The following CTNNA3 variants were observed in gnomAD, a reference collection of about 807,000 sequenced individuals.
CTNNA3 encodes catenin alpha-3.
In CTNNA3, 76 loss-of-function variants were observed where a neutral mutation model predicts 95.7. The observed-to-expected ratio is 0.79, with a 90% CI of 0.66 to 0.96. The LOEUF (loss-of-function observed/expected upper bound fraction) is 0.96, where lower values mean the gene tolerates loss of function less well. Among genes scored for constraint, CTNNA3 ranks in the 40% least tolerant of loss-of-function variants. The probability of loss-of-function intolerance (pLI) is 0.00; values close to 1 mark genes in which losing one functional copy is unlikely to be tolerated. For missense variants in CTNNA3, 1,191 were observed against 1,089.8 expected (o/e 1.09, Z -1.31); for synonymous variants, 431 against 374.4 (o/e 1.15, Z -1.74).
chr10:66,559,901 G>T (rs1238614682), intron 10 of CTNNA3, among the ~76,000 whole-genome samples: 2 of 151,938 alleles, frequency 1.3e-5, no homozygotes, highest in African/African-American at 4.8e-5. Context: ...AATAATATTT[G>T]GGAAGTGTCT....
chr10:66,934,187 AAGAAAAAC>A (rs1847564614), intron 7 of CTNNA3, among the ~76,000 whole-genome samples: 1 of 152,154 alleles, frequency 6.6e-6, no homozygotes, highest in South Asian at 2.1e-4. Context: ...ATTGAAAAAA[AAGAAAAAC>A]AGCTTCTATC....
chr10:66,016,133 G>A (rs79117470), intron 15 of CTNNA3, among the ~76,000 whole-genome samples: 1,908 of 152,250 alleles, frequency 0.013, 30 homozygotes, highest in African/African-American at 0.044. Flanking sequence ...ACTCATTTTA[G>A]AGACAATAGT....
intron 7 of CTNNA3, among the ~76,000 whole-genome samples, chr10:66,882,462 C>T (rs144347147): frequency 6.6e-6 from 1 of 152,106 alleles, no homozygotes; most frequent in Non-Finnish European, 1.5e-5. Context: ...CACTCAACCC[C>T]ATCTGCTATG....
At chr10:66,000,114 G>C (rs183902383) in intron 15 of CTNNA3, among the ~76,000 whole-genome samples, 1 of 152,060 alleles carries the variant, frequency 6.6e-6, no homozygotes, top group Non-Finnish European at 1.5e-5. Flanking sequence ...AACATTATGG[G>C]TTAGAAAGTA....
chr10:67,232,768 C>G (rs1012187687), intron 5 of CTNNA3, among the ~76,000 whole-genome samples: 18 of 151,758 alleles, frequency 1.2e-4, no homozygotes, highest in African/African-American at 4.4e-4. Flanking sequence ...GGAAACCCAT[C>G]TCACGTGCAG....
chr10:66,936,657 C>G (rs951506267), intron 7 of CTNNA3, among the ~76,000 whole-genome samples: 16 of 152,098 alleles, frequency 1.1e-4, no homozygotes, highest in Admixed American at 1.0e-3. Context: ...AACTCTACAG[C>G]GCAATCTAGT....
At chr10:66,896,828 A>G (rs962774243) in intron 7 of CTNNA3, among the ~76,000 whole-genome samples, 5 of 152,060 alleles carry the variant, frequency 3.3e-5, no homozygotes, top group Non-Finnish European at 5.9e-5. Flanking sequence ...TTAACTTCTG[A>G]CCATTCTGTA....
At chr10:67,363,584 G>A (rs1843083415) in intron 5 of CTNNA3, among the ~76,000 whole-genome samples, 1 of 151,424 alleles carries the variant, frequency 6.6e-6, no homozygotes, top group Non-Finnish European at 1.5e-5. Flanking sequence ...GACTAATAAA[G>A]AAGAAAAGAG....
chr10:66,530,228 C>T (rs539975217), intron 10 of CTNNA3, among the ~76,000 whole-genome samples: 8 of 152,140 alleles, frequency 5.3e-5, no homozygotes, highest in South Asian at 4.2e-4. Flanking sequence ...CTCAGTGGCA[C>T]GGCAAGTAGA....
At chr10:67,130,614 T>C (rs1859949441) in intron 7 of CTNNA3, among the ~76,000 whole-genome samples, 1 of 152,140 alleles carries the variant, frequency 6.6e-6, no homozygotes, top group Non-Finnish European at 1.5e-5. Context: ...TAACGATTTG[T>C]TGAAGAGATC....
chr10:66,843,785 C>T (rs1018368531), intron 7 of CTNNA3, among the ~76,000 whole-genome samples: 3 of 152,148 alleles, frequency 2.0e-5, no homozygotes, highest in Non-Finnish European at 4.4e-5. Flanking sequence ...CAATTTTTTT[C>T]ATTCCTTTCT....
chr10:66,327,503 A>T (rs2132306769), intron 12 of CTNNA3, among the ~76,000 whole-genome samples: 1 of 152,212 alleles, frequency 6.6e-6, no homozygotes, highest in African/African-American at 2.4e-5. Flanking sequence ...AGAATTTAGA[A>T]ATGTCCTTCA....
intron 15 of CTNNA3, among the ~76,000 whole-genome samples, chr10:65,996,273 T>C (rs2078656907): frequency 6.6e-6 from 1 of 152,056 alleles, no homozygotes; most frequent in South Asian, 2.1e-4. Flanking sequence ...GGCAGGCAAG[T>C]TTCAAGTTCT....
chr10:67,702,217 C>G (rs1400428176), intron 1 of CTNNA3, among the ~76,000 whole-genome samples: 1 of 151,882 alleles, frequency 6.6e-6, no homozygotes, highest in Non-Finnish European at 1.5e-5. Flanking sequence ...GACAGATCAA[C>G]GAGACAGAAA....
rs1843686785 is a variant in CTNNA3, at chr10:67,376,294, G to T, written c.579+145548C>A. Among the ~76,000 whole-genome samples, 5 of 152,168 alleles carry T rather than the reference G, an allele frequency of 3.3e-5. No homozygotes were observed. The South Asian group carries it at 1.0e-3, about 31-fold the overall frequency. On this transcript the variant is annotated intron_variant, in intron 5 of 17. Transcript: ENST00000433211. ...TCAGGAAAGTCACTTAACCCTCACTGCCTGCAAGGGAGGCTGGACTAGTAA... is the reference window on the plus strand; with the variant it reads ...TCAGGAAAGTCACTTAACCCTCACTTCCTGCAAGGGAGGCTGGACTAGTAA...
At chr10:66,832,372 A>G (rs1240113059) in intron 7 of CTNNA3, among the ~76,000 whole-genome samples, 2 of 152,230 alleles carry the variant, frequency 1.3e-5, no homozygotes, top group Non-Finnish European at 2.9e-5. Context: ...AAAGTGAGCC[A>G]GATGGACCCT....
At position 65,914,273 on chromosome 10, in the gene CTNNA3, T is replaced by C. The variant is rs1265210892; in HGVS notation, c.*6057A>G. On this transcript the variant is annotated 3_prime_UTR_variant, in exon 18 of 18. Transcript: ENST00000433211. The stretch of plus-strand genomic sequence containing the variant: ...AATAGGCACCATCATGACTACCAGA[T>C]ACATAAAAGTGAAGATCCCCAATAT... The C allele has an allele frequency of 1.3e-5, 2 of 152,130 alleles. No individual in the cohort carries two copies. Among genetic ancestry groups the C allele is most frequent in the Non-Finnish European group, 2.9e-5 (2 of 68,014 alleles). 9.4% of individuals were successfully genotyped at this position (152,130 alleles called of 1,614,324 possible). A position where few individuals can be genotyped will look rare whatever the true frequency, so the allele number is the denominator to read the frequency against.
chr10:66,801,932 A>C (rs762958844), intron 7 of CTNNA3, among the ~76,000 whole-genome samples: 29 of 151,784 alleles, frequency 1.9e-4, no homozygotes, highest in Non-Finnish European at 3.5e-4. Flanking sequence ...AAGATAATCC[A>C]GAAAGAGATT....
chr10:66,569,894 A>G (rs1367865024), intron 10 of CTNNA3, among the ~76,000 whole-genome samples: 1 of 152,182 alleles, frequency 6.6e-6, no homozygotes, highest in Admixed American at 6.5e-5. Flanking sequence ...AGCCATTACT[A>G]ATAAAAATAA....
Sources: allele counts gnomAD v4.1 joint callset (sites outside exome capture counted in the v4.1 genomes callset), GRCh38; gene constraint gnomAD v4.1.1; transcripts MANE v1.5; gene names NCBI Gene and HGNC (gene_info 2026-07-23, HGNC 2026-07-21).